Variants in ZNF831 observed in about 807,000 individuals in gnomAD.
The protein encoded by ZNF831 is zinc finger protein 831.
Under a neutral mutation model 95.8 loss-of-function variants are expected in ZNF831, and 59 were observed. That is an observed-to-expected ratio of 0.62 (90% CI 0.50 to 0.77). The LOEUF is 0.77. Ranked by LOEUF, ZNF831 falls within the 30% of genes least tolerant of loss-of-function variation. The pLI is 0.00. For synonymous variants in ZNF831, 961 were observed against 925.5 expected (o/e 1.04, Z -0.70); for missense variants, 2,205 against 2,164.0 (o/e 1.02, Z -0.38).
At position 59,253,881 on chromosome 20, in the gene ZNF831, T is replaced by TTTTCACTTTG; in HGVS notation, c.4189-15_4189-14insTCACTTTGTT. 1.3e-6 allele frequency: 1 copy of TTTTCACTTTG among 758,102 alleles called. No homozygotes were observed. The highest frequency in any genetic ancestry group is 2.2e-5 in the South Asian group (1 of 45,002). The allele number at this position is 758,102 out of a possible 1,614,324, so 47.0% of individuals were successfully genotyped here. A position where few individuals can be genotyped will look rare whatever the true frequency, so the allele number is the denominator to read the frequency against. On this transcript the variant is annotated splice_polypyrimidine_tract_variant and intron_variant, in intron 5 of 5. Transcript: ENST00000371030. ...ACCTCCCCCCCCACTTTTTTTTTCC[T>TTTTCACTTTG]TTGCACTTTGTTGCAGGATATTTCT...
intron 1 of ZNF831, among the ~76,000 whole-genome samples, chr20:59,143,009 C>G (rs1979730636): frequency 6.6e-6 from 1 of 152,164 alleles, no homozygotes; most frequent in Non-Finnish European, 1.5e-5. Context: ...AAGGGATCCT[C>G]CTGCCACAGC....
At chr20:59,166,623 C>T (rs1223469700) in intron 1 of ZNF831, among the ~76,000 whole-genome samples, 2 of 152,140 alleles carry the variant, frequency 1.3e-5, no homozygotes, top group African/African-American at 2.4e-5. Flanking sequence ...CTAGTCTGTC[C>T]TCCAGTTTTA....
At chr20:59,253,858 CT>C in intron 5 of ZNF831, 39 bp from the exon 6 acceptor site, 6 of 1,208,020 alleles carry the variant, frequency 5.0e-6, no homozygotes, top group Non-Finnish European at 6.5e-6. Context: ...ACCAATTAAC[CT>C]CCCCCCCCAC....
intron 1 of ZNF831, among the ~76,000 whole-genome samples, chr20:59,175,834 T>C (rs1262304656): frequency 1.3e-5 from 2 of 152,358 alleles, no homozygotes; most frequent in East Asian, 3.9e-4. Context: ...CTTGGACATT[T>C]TGGGCATTAT....
At chr20:59,233,559 G>A (rs1986852528) in intron 4 of ZNF831, among the ~76,000 whole-genome samples, 1 of 152,202 alleles carries the variant, frequency 6.6e-6, no homozygotes, top group Non-Finnish European at 1.5e-5. Context: ...TTGAGATTCT[G>A]TGAAAGCCAA....
intron 4 of ZNF831, among the ~76,000 whole-genome samples, chr20:59,214,505 C>T (rs532548652): frequency 6.6e-6 from 1 of 152,306 alleles, no homozygotes; most frequent in Non-Finnish European, 1.5e-5. Context: ...CAGCTGGTGC[C>T]ACTCAGTCAA....
At chr20:59,141,931 C>T (rs926939213) in intron 1 of ZNF831, among the ~76,000 whole-genome samples, 4 of 152,198 alleles carry the variant, frequency 2.6e-5, no homozygotes, top group Admixed American at 1.3e-4. Context: ...TCCCAGCACC[C>T]CTGTGTTGGG....
chr20:59,222,611 AATTT>A (rs1986159843), intron 4 of ZNF831, among the ~76,000 whole-genome samples: 1 of 152,072 alleles, frequency 6.6e-6, no homozygotes, highest in African/African-American at 2.4e-5. Flanking sequence ...AAGCCTTGTG[AATTT>A]ATTACCCGGA....
At chr20:59,232,691 A>G (rs1330339606) in intron 4 of ZNF831, among the ~76,000 whole-genome samples, 1 of 152,206 alleles carries the variant, frequency 6.6e-6, no homozygotes, top group Non-Finnish European at 1.5e-5. Flanking sequence ...TCTCATGAGC[A>G]TCTATTTTGT....
chr20:59,225,112 A>G (rs1488745778), intron 4 of ZNF831, among the ~76,000 whole-genome samples: 1 of 152,162 alleles, frequency 6.6e-6, no homozygotes, highest in African/African-American at 2.4e-5. Flanking sequence ...GTAATATTCC[A>G]TTATAGGTTC....
chr20:59,126,924 GTGT>G (rs1481897957), intron 1 of ZNF831, among the ~76,000 whole-genome samples: 1 of 152,180 alleles, frequency 6.6e-6, no homozygotes, highest in Non-Finnish European at 1.5e-5. Context: ...GTGGTGGAGA[GTGT>G]GGCTTTGAGC....
intron 1 of ZNF831, among the ~76,000 whole-genome samples, chr20:59,178,184 T>C (rs1265701118): frequency 2.0e-5 from 3 of 152,192 alleles, no homozygotes; most frequent in African/African-American, 7.2e-5. Context: ...TCCTTTCACT[T>C]GGGCATTATG....
At chr20:59,172,883 G>A (rs969661453) in intron 1 of ZNF831, among the ~76,000 whole-genome samples, 6 of 152,198 alleles carry the variant, frequency 3.9e-5, no homozygotes, top group East Asian at 1.9e-4. Flanking sequence ...TAGCCAGGGC[G>A]TTCAGCTCTT....
At chr20:59,212,416 C>T (rs1009008128) in intron 4 of ZNF831, among the ~76,000 whole-genome samples, 15 of 152,204 alleles carry the variant, frequency 9.9e-5, no homozygotes, top group Non-Finnish European at 8.8e-5. Flanking sequence ...AATCCTAAAT[C>T]CGGTAGTCCA....
At chr20:59,183,931 C>G (rs1601349657) in intron 1 of ZNF831, among the ~76,000 whole-genome samples, 1 of 152,262 alleles carries the variant, frequency 6.6e-6, no homozygotes, top group East Asian at 1.9e-4. Context: ...AGGGTTCTCT[C>G]TTGGTATTGC....
intron 4 of ZNF831, among the ~76,000 whole-genome samples, chr20:59,245,822 C>T (rs1333754783): frequency 1.3e-5 from 2 of 152,180 alleles, no homozygotes; most frequent in Non-Finnish European, 2.9e-5. Flanking sequence ...GCCCCATTCA[C>T]TGAATTTGGA....
chr20:59,161,333 A>G (rs1422982969), upstream of ZNF831, among the ~76,000 whole-genome samples: 1 of 151,812 alleles, frequency 6.6e-6, no homozygotes, highest in Non-Finnish European at 1.5e-5. Context: ...GCTGGAGTGC[A>G]GTGGCATGAT....
intron 4 of ZNF831, among the ~76,000 whole-genome samples, chr20:59,225,814 A>C (rs942722603): frequency 6.6e-6 from 1 of 152,206 alleles, no homozygotes; most frequent in Admixed American, 6.5e-5. Flanking sequence ...GGTGTGGGTT[A>C]CCATTCTTGG....
intron 4 of ZNF831, among the ~76,000 whole-genome samples, chr20:59,251,309 G>A (rs73620742): frequency 0.027 from 4,146 of 152,234 alleles, 78 homozygotes; most frequent in East Asian, 0.069. Context: ...GAAGAGCCTC[G>A]GGGATTCCAG....
Sources: gnomAD v4.1 joint callset for allele counts (sites outside exome capture counted in the v4.1 genomes callset) on GRCh38, gnomAD v4.1.1 for gene constraint, MANE v1.5 for transcripts, NCBI Gene and HGNC (gene_info 2026-07-23, HGNC 2026-07-21) for gene names.